Variants in KIF16B observed in about 807,000 individuals in gnomAD.
KIF16B encodes kinesin-like protein KIF16B.
A neutral mutation model predicts 156.3 loss-of-function variants in KIF16B; 98 were observed. That is an observed-to-expected ratio of 0.63 (90% CI 0.53 to 0.74). KIF16B has a LOEUF of 0.74. Ranked by LOEUF, KIF16B falls within the 30% of genes least tolerant of loss-of-function variation. The probability of loss-of-function intolerance (pLI) is 0.00; values close to 1 mark genes in which losing one functional copy is unlikely to be tolerated. For missense variants in KIF16B, 1,421 were observed against 1,606.5 expected (o/e 0.88, Z 1.97); for synonymous variants, 564 against 583.7 (o/e 0.97, Z 0.49).
rs557834899 is a variant in KIF16B, at chr20:16,431,856, A to AGT, written c.1303-1876_1303-1875dup. On this transcript the variant is annotated intron_variant, in intron 12 of 25. Transcript: ENST00000354981. ...ATTTCTCTCCTTGGGAATGGCTATT[A>AGT]GTGTGTATATATATATATACATATA... Among the ~76,000 whole-genome samples, 4 of 147,736 alleles carry AGT rather than the reference A, an allele frequency of 2.7e-5. No individual in the cohort carries two copies. The South Asian group carries it at 6.6e-4, about 24-fold the overall frequency.
At chr20:16,279,468 C>T (rs760134216) in intron 25 of KIF16B, among the ~76,000 whole-genome samples, 3 of 152,172 alleles carry the variant, frequency 2.0e-5, no homozygotes, top group Non-Finnish European at 4.4e-5. Context: ...TGGTGACAGT[C>T]ATTTTCTACT....
intron 9 of KIF16B, 51 bp from the exon 10 acceptor site, chr20:16,504,598 T>C (rs1255197304): frequency 1.3e-6 from 2 of 1,529,850 alleles, no homozygotes; most frequent in Admixed American, 1.7e-5. Flanking sequence ...CATGTTCCAT[T>C]TAACACAAAG....
chr20:16,511,594 TA>T, intron 5 of KIF16B, 67 bp from the exon 6 acceptor site: 1 of 988,444 alleles, frequency 1.0e-6, no homozygotes, highest in Non-Finnish European at 1.6e-6. Flanking sequence ...TAACAACACA[TA>T]ACAGCAGCAA....
At position 16,365,185 on chromosome 20, in the gene KIF16B, T is replaced by G. The variant is rs573830137; in HGVS notation, c.3498+5401A>C. ...CAAGAAAATATGAGAAAATACTGGATGGAACAACTTGAAAAAAGGAATGCA... is the reference window on the plus strand; with the variant it reads ...CAAGAAAATATGAGAAAATACTGGAGGGAACAACTTGAAAAAAGGAATGCA... On this transcript the variant is annotated intron_variant, in intron 22 of 25. Transcript: ENST00000354981. Among the ~76,000 whole-genome samples, 3 of 152,152 alleles carry G rather than the reference T, an allele frequency of 2.0e-5. No individual in the cohort carries two copies. In the East Asian group the frequency reaches 5.8e-4, roughly 29 times the overall value.
chr20:16,312,523 A>C (rs2063634898), intron 24 of KIF16B, 105 bp from the exon 25 acceptor site: 1 of 882,370 alleles, frequency 1.1e-6, no homozygotes, highest in Non-Finnish European at 1.8e-6. Context: ...GAAAAGAAAG[A>C]GGCTGAAAGT....
chr20:16,419,028 C>T (rs1042149985), intron 15 of KIF16B, among the ~76,000 whole-genome samples: 2 of 152,008 alleles, frequency 1.3e-5, no homozygotes, highest in Admixed American at 1.3e-4. Context: ...ATAAAAAACC[C>T]GACTGCAGGG....
chr20:16,315,142 G>A (rs964086305), intron 24 of KIF16B, among the ~76,000 whole-genome samples: 2 of 152,172 alleles, frequency 1.3e-5, no homozygotes, highest in African/African-American at 2.4e-5. Context: ...GAGGGAGCAA[G>A]CATTCACATC....
intron 25 of KIF16B, among the ~76,000 whole-genome samples, chr20:16,308,959 C>T (rs186264661): frequency 5.8e-4 from 89 of 152,336 alleles, no homozygotes; most frequent in Non-Finnish European, 1.1e-3. Flanking sequence ...GAAGGAATGT[C>T]TGGAGCCTGG....
chr20:16,564,782 C>T (rs1464696569), intron 1 of KIF16B, among the ~76,000 whole-genome samples: 1 of 152,182 alleles, frequency 6.6e-6, no homozygotes, highest in Non-Finnish European at 1.5e-5. Flanking sequence ...CAGCAACAGG[C>T]TACCTCCAAT....
Position 16,461,604 on chromosome 20 carries a change from T to G in KIF16B, c.1303-31622A>C, listed in dbSNP as rs554587224. Among the ~76,000 whole-genome samples the G allele has an allele frequency of 2.6e-5, 4 of 152,302 alleles. No individual in the cohort carries two copies. In the East Asian group the frequency reaches 5.8e-4, roughly 22 times the overall value. ...ACCACACTGAGGATATACAACCAGA[T>G]AGAAGAGCTCTTTCTAAAAATCACA... On this transcript the variant is annotated intron_variant, in intron 12 of 25. Transcript: ENST00000354981.
At chr20:16,558,369 A>T (rs1474805468) in intron 1 of KIF16B, among the ~76,000 whole-genome samples, 1 of 152,212 alleles carries the variant, frequency 6.6e-6, no homozygotes, top group Non-Finnish European at 1.5e-5. Flanking sequence ...ATTCTCACCA[A>T]TGAAGGGTGA....
chr20:16,537,704 G>A (rs1211938234), intron 1 of KIF16B, among the ~76,000 whole-genome samples: 11 of 101,552 alleles, frequency 1.1e-4, no homozygotes, highest in African/African-American at 3.8e-4. Flanking sequence ...TCTTTTTTTC[G>A]TTTTTTTTTT....
chr20:16,480,808 A>C (rs2067959404), intron 12 of KIF16B, among the ~76,000 whole-genome samples: 1 of 151,892 alleles, frequency 6.6e-6, no homozygotes, highest in Admixed American at 6.5e-5. Context: ...CAATTCAAAT[A>C]GTTTTTTTTT....
intron 15 of KIF16B, among the ~76,000 whole-genome samples, chr20:16,417,937 A>C (rs952432306): frequency 1.3e-5 from 2 of 152,112 alleles, no homozygotes; most frequent in African/African-American, 2.4e-5. Context: ...TCGCAGAAGG[A>C]GAGGGGAAAG....
intron 15 of KIF16B, among the ~76,000 whole-genome samples, chr20:16,415,666 C>T (rs949857769): frequency 2.6e-5 from 4 of 152,146 alleles, no homozygotes; most frequent in South Asian, 2.1e-4. Flanking sequence ...CCTCCATCCC[C>T]TTTCCAGTCT....
intron 19 of KIF16B, among the ~76,000 whole-genome samples, chr20:16,375,356 T>A (rs554043110): frequency 1.3e-5 from 2 of 152,332 alleles, no homozygotes; most frequent in African/African-American, 4.8e-5. Context: ...TGGCTTCAGA[T>A]GCCAACACAC....
intron 23 of KIF16B, among the ~76,000 whole-genome samples, chr20:16,337,640 T>C (rs2064064628): frequency 6.6e-6 from 1 of 152,198 alleles, no homozygotes; most frequent in South Asian, 2.1e-4. Flanking sequence ...CACTTGAGCT[T>C]GGGAAACCCT....
intron 25 of KIF16B, among the ~76,000 whole-genome samples, chr20:16,292,560 T>G (rs2063329056): frequency 6.6e-6 from 1 of 152,056 alleles, no homozygotes; most frequent in African/African-American, 2.4e-5. Flanking sequence ...AAAACAAGTC[T>G]GAAAAAGAGG....
chr20:16,517,449 C>T (rs988379937), intron 3 of KIF16B, among the ~76,000 whole-genome samples: 1 of 152,202 alleles, frequency 6.6e-6, no homozygotes, highest in African/African-American at 2.4e-5. Context: ...GTATAATTCT[C>T]ATCAAAACGC....
Sources: gnomAD v4.1 joint callset for allele counts (sites outside exome capture counted in the v4.1 genomes callset) on GRCh38, gnomAD v4.1.1 for gene constraint, MANE v1.5 for transcripts, NCBI Gene and HGNC (gene_info 2026-07-23, HGNC 2026-07-21) for gene names.